PYROXD1: variants seen among roughly 807,000 people sequenced by gnomAD.
PYROXD1 encodes pyridine nucleotide-disulphide oxidoreductase domain 1, also known as tRNA ligase complex-associated NAD(P)H dehydrogenase PYROXD1.
Under a neutral mutation model 62.0 loss-of-function variants are expected in PYROXD1, and 42 were observed. That is an observed-to-expected ratio of 0.68 (90% CI 0.53 to 0.88). The LOEUF is 0.88. PYROXD1 is among the 40% of genes least tolerant of loss of function. The probability of loss-of-function intolerance (pLI) is 0.00; values close to 1 mark genes in which losing one functional copy is unlikely to be tolerated. For synonymous variants in PYROXD1, 170 were observed against 206.4 expected (o/e 0.82, Z 1.51); for missense variants, 493 against 604.8 (o/e 0.82, Z 1.94).
intron 10 of PYROXD1, chr12:21,467,243 A>C (rs1487544660): frequency 2.7e-6 from 1 of 370,708 alleles, no homozygotes; most frequent in Non-Finnish European, 4.8e-6. Context: ...TTTAATAGAA[A>C]TGCTACTAAA....
At chr12:21,448,100 C>A in intron 3 of PYROXD1, 1 of 640,794 alleles carries the variant, frequency 1.6e-6, no homozygotes, top group Admixed American at 2.0e-5. Context: ...TGGCTTTTAT[C>A]ATGTCTGATG....
intron 3 of PYROXD1, 24 bp downstream of exon 3, chr12:21,445,490 A>C: frequency 6.4e-7 from 1 of 1,557,774 alleles, no homozygotes; most frequent in African/African-American, 1.4e-5. Flanking sequence ...TTTCTTAATA[A>C]CATTTTCCAT....
intron 5 of PYROXD1, among the ~76,000 whole-genome samples, chr12:21,452,766 C>T (rs1238056723): frequency 6.6e-6 from 1 of 152,046 alleles, no homozygotes; most frequent in East Asian, 1.9e-4. Flanking sequence ...TGATTTTATC[C>T]TCTAGCAGAT....
At chr12:21,453,464 A>G (rs1291795034) in intron 5 of PYROXD1, among the ~76,000 whole-genome samples, 2 of 151,820 alleles carry the variant, frequency 1.3e-5, no homozygotes, top group East Asian at 3.9e-4. Context: ...AACTAATACT[A>G]ATGTTCTTCA....
intron 2 of PYROXD1, among the ~76,000 whole-genome samples, chr12:21,444,269 G>T (rs1442679227): frequency 6.6e-6 from 1 of 152,152 alleles, no homozygotes; most frequent in African/African-American, 2.4e-5. Context: ...GCTATTCTGT[G>T]TACAGCAGTA....
intron 7 of PYROXD1, among the ~76,000 whole-genome samples, chr12:21,457,297 A>G (rs1591950457): frequency 6.6e-6 from 1 of 152,156 alleles, no homozygotes; most frequent in Non-Finnish European, 1.5e-5. Context: ...AGTAAGAATT[A>G]CTCCTGGATC....
chr12:21,452,535 A>G (rs544062067), intron 5 of PYROXD1, among the ~76,000 whole-genome samples: 2 of 152,212 alleles, frequency 1.3e-5, no homozygotes, highest in South Asian at 2.1e-4. Context: ...TTTATTGCTT[A>G]TATGATAAAT....
chr12:21,452,027 A>T, intron 4 of PYROXD1, 54 bp from the exon 5 acceptor site: 1 of 1,037,910 alleles, frequency 9.6e-7, no homozygotes, highest in East Asian at 2.5e-5. Context: ...CTCATATTTC[A>T]GATTATTGCC....
chr12:21,452,183 ATT>A, intron 5 of PYROXD1, 29 bp downstream of exon 5: 1 of 1,286,344 alleles, frequency 7.8e-7, no homozygotes, highest in Non-Finnish European at 1.0e-6. Flanking sequence ...ATATGATAAC[ATT>A]TAAATTGTTT....
rs1168295317 is a variant in PYROXD1 at position 21,449,672 on chromosome 12, G to A, written c.395G>A (p.Arg132His). ...CEGNPYVLGI[R>H]DTDSAQEFQK... ...GGAAATCCTTATGTATTAGGAATCC[G>A]TGATACAGACAGTGCTCAGGTAACA... Residue 132 changes from arginine to histidine, a missense_variant, in exon 4 of 12, where the codon CGT becomes CAT. Physicochemically the swap from Arg to His is conservative, Grantham distance 29. Coordinates refer to ENST00000240651, the MANE Select transcript of PYROXD1 (RefSeq NM_024854.5). The A allele has an allele frequency of 3.1e-6, 5 of 1,612,050 alleles. No homozygotes were observed. The highest frequency in any genetic ancestry group is 1.7e-5 in the Admixed American group (1 of 59,806).
chr12:21,468,302 A>C (rs1357665102), intron 11 of PYROXD1, among the ~76,000 whole-genome samples: 2 of 152,120 alleles, frequency 1.3e-5, no homozygotes, highest in African/African-American at 4.8e-5. Flanking sequence ...TTTTAATGTC[A>C]GTGTAGAGTG....
intron 11 of PYROXD1, among the ~76,000 whole-genome samples, chr12:21,468,177 T>G (rs189980485): frequency 4.6e-5 from 7 of 152,210 alleles, no homozygotes; most frequent in African/African-American, 1.7e-4. Flanking sequence ...TATTTATATA[T>G]TTACTGTATA....
intron 10 of PYROXD1, among the ~76,000 whole-genome samples, chr12:21,466,254 G>C (rs1422430280): frequency 2.0e-5 from 3 of 149,786 alleles, no homozygotes; most frequent in Non-Finnish European, 4.5e-5. Context: ...AAATTACCTT[G>C]GGCAGTATGG....
At chr12:21,442,319 T>A (rs1464637088) in intron 2 of PYROXD1, among the ~76,000 whole-genome samples, 1 of 152,126 alleles carries the variant, frequency 6.6e-6, no homozygotes, top group Non-Finnish European at 1.5e-5. Flanking sequence ...ACTGCTATAT[T>A]GGTAATAGAA....
chr12:21,449,685 T>C lies in PYROXD1; in HGVS notation c.408T>C (p.Ser136=). Residue 136 remains serine (S), a synonymous_variant, in exon 4 of 12, where the codon AGT becomes AGC. Coordinates refer to ENST00000240651, the MANE Select transcript of PYROXD1 (RefSeq NM_024854.5). ...PYVLGIRDTD[S]AQEFQKQLTK... ...TATTAGGAATCCGTGATACAGACAG[T>C]GCTCAGGTAACATTTTAAGGTTGGA... 6.2e-7 allele frequency: 1 copy of C among 1,604,492 alleles called. No individual in the cohort carries two copies. The highest frequency in any genetic ancestry group is 8.5e-7 in the Non-Finnish European group (1 of 1,177,124).
chr12:21,465,710 C>G (rs1942780692), intron 10 of PYROXD1, among the ~76,000 whole-genome samples: 1 of 151,978 alleles, frequency 6.6e-6, no homozygotes, highest in Non-Finnish European at 1.5e-5. Context: ...GTTGCCATTG[C>G]TTTTGGTGTT....
chr12:21,440,339 A>C (rs1382069834), intron 1 of PYROXD1, 29 bp from the exon 2 acceptor site: 8 of 1,361,026 alleles, frequency 5.9e-6, no homozygotes, highest in Non-Finnish European at 6.2e-6. Flanking sequence ...AATTTGTCCT[A>C]ATTTTTTTTC....
chr12:21,442,625 C>T (rs1049929797), intron 2 of PYROXD1, among the ~76,000 whole-genome samples: 2 of 152,200 alleles, frequency 1.3e-5, no homozygotes, highest in African/African-American at 4.8e-5. Flanking sequence ...GGTTGGAACA[C>T]TCACAGGGTT....
At chr12:21,464,602 C>T (rs890237065) in intron 10 of PYROXD1, among the ~76,000 whole-genome samples, 1 of 151,976 alleles carries the variant, frequency 6.6e-6, no homozygotes, top group South Asian at 2.1e-4. Context: ...TTAATTCTCT[C>T]AATAGTTACA....
Sources: allele counts gnomAD v4.1 joint callset (sites outside exome capture counted in the v4.1 genomes callset), GRCh38; gene constraint gnomAD v4.1.1; transcripts MANE v1.5; gene names NCBI Gene and HGNC (gene_info 2026-07-23, HGNC 2026-07-21).